Variants in CIMIP5 observed in about 807,000 individuals in gnomAD.
CIMIP5 encodes the protein uncharacterized protein C2orf50.
chr2:11,150,167 C>T, the CIMIP5 span, among the ~76,000 whole-genome samples: 2 of 151,514 alleles, frequency 1.3e-5, no homozygotes, highest in South Asian at 2.1e-4. Flanking sequence ...GGGCTGGTCT[C>T]GAACCTCGTG....
the CIMIP5 span, among the ~76,000 whole-genome samples, chr2:11,149,894 G>A: frequency 6.6e-6 from 1 of 152,170 alleles, no homozygotes; most frequent in African/African-American, 2.4e-5. Context: ...CAGTGAGAAA[G>A]TGCAGAGTGT....
At chr2:11,142,069 C>T in the CIMIP5 span, among the ~76,000 whole-genome samples, 1 of 151,998 alleles carries the variant, frequency 6.6e-6, no homozygotes, top group Non-Finnish European at 1.5e-5. Context: ...AGTTCAAGAC[C>T]AGCCTGACCA....
the CIMIP5 span, among the ~76,000 whole-genome samples, chr2:11,149,601 G>A: frequency 6.6e-6 from 1 of 152,100 alleles, no homozygotes; most frequent in African/African-American, 2.4e-5. Flanking sequence ...CAGCTACTTG[G>A]GAGGCTGAGA....
At chr2:11,148,790 C>T in the CIMIP5 span, among the ~76,000 whole-genome samples, 24 of 132,158 alleles carry the variant, frequency 1.8e-4, no homozygotes, top group Admixed American at 6.9e-4. Context: ...GGCTGGAGTG[C>T]GATAGTGCGA....
chr2:11,153,866 G>T, the CIMIP5 span, among the ~76,000 whole-genome samples: 2 of 150,608 alleles, frequency 1.3e-5, no homozygotes, highest in Non-Finnish European at 2.9e-5. Context: ...GGAGGTCGCA[G>T]TGAGCAGAGA....
At chr2:11,134,007 A>G in the CIMIP5 span, among the ~76,000 whole-genome samples, 7 of 152,146 alleles carry the variant, frequency 4.6e-5, no homozygotes, top group Admixed American at 2.0e-4. Context: ...ACAAGGGACT[A>G]GACAGACCTG....
chr2:11,150,404 C>G, the CIMIP5 span, among the ~76,000 whole-genome samples: 1 of 151,114 alleles, frequency 6.6e-6, no homozygotes, highest in African/African-American at 2.4e-5. Flanking sequence ...GCCATCTTGG[C>G]TCACTGCAGC....
the CIMIP5 span, among the ~76,000 whole-genome samples, chr2:11,150,931 G>T: frequency 6.6e-6 from 1 of 151,772 alleles, no homozygotes; most frequent in African/African-American, 2.4e-5. Context: ...AATTCATCCT[G>T]GCAATGTAAA....
chr2:11,146,501 C>G, the CIMIP5 span: 1 of 152,182 alleles, frequency 6.6e-6, no homozygotes, highest in East Asian at 1.9e-4. Flanking sequence ...TCTGGGATCC[C>G]TACTACCATC....
chr2:11,137,292 T>G, the CIMIP5 span, among the ~76,000 whole-genome samples: 232 of 152,218 alleles, frequency 1.5e-3, no homozygotes, highest in African/African-American at 5.5e-3. Context: ...GAGAATTGCT[T>G]GAACCCGGCA....
the CIMIP5 span, among the ~76,000 whole-genome samples, chr2:11,147,784 C>T: frequency 5.8e-5 from 8 of 138,154 alleles, no homozygotes; most frequent in Non-Finnish European, 1.2e-4. Flanking sequence ...CTCCTTGCCA[C>T]ATCTGCCTTC....
At chr2:11,143,983 A>T in the CIMIP5 span, 4 of 1,607,436 alleles carry the variant, frequency 2.5e-6, no homozygotes, top group South Asian at 1.1e-5. Context: ...CACAGTTCCC[A>T]GTTCCACGAA....
chr2:11,141,422 C>T, the CIMIP5 span, among the ~76,000 whole-genome samples: 7 of 151,910 alleles, frequency 4.6e-5, no homozygotes, highest in African/African-American at 1.7e-4. Context: ...GCCACCACAC[C>T]CAGCCCCCAC....
At chr2:11,154,351 T>C in the CIMIP5 span, among the ~76,000 whole-genome samples, 1 of 152,080 alleles carries the variant, frequency 6.6e-6, no homozygotes, top group African/African-American at 2.4e-5. Flanking sequence ...AGCACCTGTT[T>C]TTTTTTTTCC....
the CIMIP5 span, among the ~76,000 whole-genome samples, chr2:11,149,438 A>G: frequency 6.6e-6 from 1 of 152,108 alleles, no homozygotes; most frequent in African/African-American, 2.4e-5. Flanking sequence ...AGGCGCTGTG[A>G]CTCACGCCCA....
At chr2:11,140,256 T>A in the CIMIP5 span, among the ~76,000 whole-genome samples, 1 of 151,200 alleles carries the variant, frequency 6.6e-6, no homozygotes, top group Non-Finnish European at 1.5e-5. Context: ...GTGCCTGTAG[T>A]CCCAGCTACT....
chr2:11,150,903 C>T, the CIMIP5 span, among the ~76,000 whole-genome samples: 5 of 151,956 alleles, frequency 3.3e-5, no homozygotes, highest in Admixed American at 3.3e-4. Flanking sequence ...AAAACTTTAC[C>T]CTGAAACATT....
chr2:11,147,808 G>A, the CIMIP5 span, among the ~76,000 whole-genome samples: 1 of 152,026 alleles, frequency 6.6e-6, no homozygotes, highest in Non-Finnish European at 1.5e-5. Context: ...TCAAGAAGAC[G>A]CCTGCTTCTA....
At chr2:11,148,730 C>CTTTTTTTTTTTTTTTT in the CIMIP5 span, among the ~76,000 whole-genome samples, 2 of 63,860 alleles carry the variant, frequency 3.1e-5, 1 homozygote. Context: ...CTAATGAAAA[C>CTTTTTTTTTTTTTTTT]TCTTTTTTTT....
Sources: allele counts gnomAD v4.1 joint callset (sites outside exome capture counted in the v4.1 genomes callset), GRCh38; gene constraint gnomAD v4.1.1; transcripts MANE v1.5; gene names NCBI Gene and HGNC (gene_info 2026-07-23, HGNC 2026-07-21).